The following SGCZ variants were observed in gnomAD, a reference collection of about 807,000 sequenced individuals.
SGCZ encodes the protein sarcoglycan zeta.
Under a neutral mutation model 41.3 loss-of-function variants are expected in SGCZ, and 40 were observed. That is an observed-to-expected ratio of 0.97 (90% confidence interval 0.75 to 1.26). The LOEUF (loss-of-function observed/expected upper bound fraction) is 1.26, where lower values mean the gene tolerates loss of function less well. SGCZ is among the 50% of genes most tolerant of loss of function. The probability of loss-of-function intolerance (pLI) is 0.00; values close to 1 mark genes in which losing one functional copy is unlikely to be tolerated. For synonymous variants in SGCZ, 206 were observed against 137.5 expected (o/e 1.50, Z -3.49); for missense variants, 552 against 369.8 (o/e 1.49, Z -4.04).
chr8:14,566,679 G>T (rs536623359), intron 1 of SGCZ, among the ~76,000 whole-genome samples: 2 of 152,218 alleles, frequency 1.3e-5, no homozygotes, highest in Admixed American at 1.3e-4. Flanking sequence ...CACAGCCCTC[G>T]CTCGCTCTCG....
At chr8:14,243,768 T>C (rs1225240074) in intron 3 of SGCZ, among the ~76,000 whole-genome samples, 3 of 152,210 alleles carry the variant, frequency 2.0e-5, no homozygotes, top group Non-Finnish European at 2.9e-5. Context: ...AGTCCTGTCC[T>C]CTGTGAAGCC....
At chr8:14,728,361 G>C (rs1357505567) in intron 1 of SGCZ, among the ~76,000 whole-genome samples, 1 of 127,956 alleles carries the variant, frequency 7.8e-6, no homozygotes, top group Non-Finnish European at 1.7e-5. Context: ...AAAAAAAGTA[G>C]AACCAAAAGA....
chr8:14,889,909 C>A (rs1471585074), intron 1 of SGCZ, among the ~76,000 whole-genome samples: 1 of 151,948 alleles, frequency 6.6e-6, no homozygotes, highest in Non-Finnish European at 1.5e-5. Flanking sequence ...AAATAAAGAG[C>A]TAGAAATGAT....
intron 1 of SGCZ, among the ~76,000 whole-genome samples, chr8:14,906,452 A>G (rs992547305): frequency 6.6e-6 from 1 of 152,130 alleles, no homozygotes; most frequent in Non-Finnish European, 1.5e-5. Flanking sequence ...AAAATTCTCA[A>G]CTTCTGTAGT....
intron 1 of SGCZ, among the ~76,000 whole-genome samples, chr8:15,124,994 G>GTT (rs1807628548): frequency 6.6e-6 from 1 of 152,000 alleles, no homozygotes; most frequent in South Asian, 2.1e-4. Flanking sequence ...ATGCTTAAAG[G>GTT]TTATATATAG....
chr8:14,617,010 A>G (rs1342917842), intron 1 of SGCZ, among the ~76,000 whole-genome samples: 1 of 152,068 alleles, frequency 6.6e-6, no homozygotes, highest in African/African-American at 2.4e-5. Context: ...ATGTATTTGT[A>G]GTAAGAAAAA....
At chr8:14,265,353 A>C (rs1463492189) in intron 3 of SGCZ, among the ~76,000 whole-genome samples, 2 of 152,144 alleles carry the variant, frequency 1.3e-5, no homozygotes, top group African/African-American at 4.8e-5. Context: ...TAGCATTCTG[A>C]TTTTAGTAGT....
chr8:14,468,484 T>C (rs527346333), intron 2 of SGCZ, among the ~76,000 whole-genome samples: 1 of 152,236 alleles, frequency 6.6e-6, no homozygotes, highest in East Asian at 1.9e-4. Flanking sequence ...GGCTTATAGC[T>C]GTTTCATACA....
chr8:14,652,506 A>T (rs34638324), intron 1 of SGCZ, among the ~76,000 whole-genome samples: 31,944 of 151,920 alleles, frequency 0.21, 3,784 homozygotes, highest in South Asian at 0.35. Flanking sequence ...CTGTGGGAGC[A>T]ATGAGTAAAT....
At chr8:14,142,550 G>A (rs1803403759) in intron 5 of SGCZ, among the ~76,000 whole-genome samples, 1 of 151,984 alleles carries the variant, frequency 6.6e-6, no homozygotes, top group African/African-American at 2.4e-5. Flanking sequence ...TCAGTTTGAA[G>A]CAACTGGCTT....
intron 3 of SGCZ, among the ~76,000 whole-genome samples, chr8:14,247,750 C>G (rs928920240): frequency 6.6e-6 from 1 of 152,164 alleles, no homozygotes; most frequent in East Asian, 1.9e-4. Context: ...TGCCCTCACA[C>G]CAGCCCCAGG....
chr8:14,973,870 T>C (rs1281820225), intron 1 of SGCZ, among the ~76,000 whole-genome samples: 1 of 152,214 alleles, frequency 6.6e-6, no homozygotes, highest in African/African-American at 2.4e-5. Flanking sequence ...AGTGCATATA[T>C]GATTTTATCA....
At chr8:14,239,009 G>C (rs988845068) in intron 3 of SGCZ, among the ~76,000 whole-genome samples, 7 of 150,072 alleles carry the variant, frequency 4.7e-5, no homozygotes, top group Non-Finnish European at 7.4e-5. Flanking sequence ...TATTTCGACA[G>C]ATTTAAAAGA....
intron 1 of SGCZ, among the ~76,000 whole-genome samples, chr8:15,212,007 G>C (rs987816183): frequency 1.3e-5 from 2 of 152,000 alleles, no homozygotes; most frequent in African/African-American, 4.8e-5. Flanking sequence ...ATCAGATAAG[G>C]TTTTGAGTGT....
chr8:15,081,859 T>G (rs549309274), intron 1 of SGCZ, among the ~76,000 whole-genome samples: 1 of 152,182 alleles, frequency 6.6e-6, no homozygotes, highest in African/African-American at 2.4e-5. Context: ...TTGTAAGGAA[T>G]TGATTTCAAA....
intron 4 of SGCZ, among the ~76,000 whole-genome samples, chr8:14,237,248 T>G (rs1177370839): frequency 1.3e-5 from 2 of 151,786 alleles, no homozygotes; most frequent in Non-Finnish European, 2.9e-5. Flanking sequence ...TTGGCAAGAG[T>G]AATAACTACT....
At chr8:14,119,867 T>C (rs1460060464) in intron 5 of SGCZ, among the ~76,000 whole-genome samples, 3 of 152,218 alleles carry the variant, frequency 2.0e-5, no homozygotes, top group Admixed American at 6.5e-5. Flanking sequence ...ATTACATTTA[T>C]TGATTTCCGT....
chr8:15,200,278 T>C (rs964285420), intron 1 of SGCZ, among the ~76,000 whole-genome samples: 1 of 152,236 alleles, frequency 6.6e-6, no homozygotes, highest in Non-Finnish European at 1.5e-5. Flanking sequence ...AAATTGGCTC[T>C]TGATACTTGG....
intron 1 of SGCZ, among the ~76,000 whole-genome samples, chr8:14,631,047 A>T (rs1806632764): frequency 6.6e-6 from 1 of 152,046 alleles, no homozygotes; most frequent in African/African-American, 2.4e-5. Context: ...AAATAAATTT[A>T]TATGTAATAA....
Sources: gnomAD v4.1 joint callset for allele counts (sites outside exome capture counted in the v4.1 genomes callset) on GRCh38, gnomAD v4.1.1 for gene constraint, MANE v1.5 for transcripts, NCBI Gene and HGNC (gene_info 2026-07-23, HGNC 2026-07-21) for gene names.